TRAPPC9: variants seen among roughly 807,000 people sequenced by gnomAD.
The protein encoded by TRAPPC9 is trafficking protein particle complex subunit 9.
A neutral mutation model predicts 124.0 loss-of-function variants in TRAPPC9; 83 were observed. The observed-to-expected ratio is 0.67, with a 90% CI of 0.56 to 0.80. The LOEUF is 0.80. Ranked by LOEUF, TRAPPC9 falls within the 30% of genes least tolerant of loss-of-function variation. TRAPPC9 has a pLI of 0.00. For missense variants in TRAPPC9, 1,302 were observed against 1,508.3 expected (o/e 0.86, Z 2.27); for synonymous variants, 638 against 617.5 (o/e 1.03, Z -0.49).
intron 21 of TRAPPC9, among the ~76,000 whole-genome samples, chr8:139,821,834 AG>A (rs1170535803): frequency 6.6e-6 from 1 of 152,336 alleles, no homozygotes; most frequent in East Asian, 1.9e-4. Flanking sequence ...GTGCCATAAT[AG>A]CCTGGTAAAT....
chr8:140,297,416 T>C lies in TRAPPC9; in HGVS notation c.1768+3053A>G, dbSNP rs1189192903. 2.6e-5 allele frequency among the ~76,000 whole-genome samples: 4 copies of C among 151,896 alleles called. No homozygotes were observed. In the East Asian group the frequency reaches 5.8e-4, roughly 22 times the overall value. Reference sequence around the variant, plus strand: ...ACACACATACAGATGCATACACATATACACACGCATACACACACATACACA... The same window carrying C: ...ACACACATACAGATGCATACACATACACACACGCATACACACACATACACA... On this transcript the variant is annotated intron_variant, in intron 11 of 22. Coordinates refer to ENST00000438773, the MANE Select transcript of TRAPPC9 (RefSeq NM_001160372.4).
chr8:139,859,148 C>T (rs1305012115), intron 21 of TRAPPC9, among the ~76,000 whole-genome samples: 4 of 151,768 alleles, frequency 2.6e-5, no homozygotes, highest in African/African-American at 7.3e-5. Flanking sequence ...GTTTCTGGCC[C>T]GAGTCAGAGT....
chr8:140,284,884 T>C (rs1199013354), intron 13 of TRAPPC9, among the ~76,000 whole-genome samples: 1 of 152,204 alleles, frequency 6.6e-6, no homozygotes, highest in Non-Finnish European at 1.5e-5. Context: ...CTCTAAAGTA[T>C]ACCTCTTCAA....
At chr8:140,362,714 A>AT (rs1277346454) in intron 8 of TRAPPC9, among the ~76,000 whole-genome samples, 2 of 152,158 alleles carry the variant, frequency 1.3e-5, no homozygotes, top group Non-Finnish European at 2.9e-5. Flanking sequence ...TGAAGAAGAG[A>AT]TTTTTTTAAA....
At chr8:140,175,260 A>G (rs2062040445) in intron 17 of TRAPPC9, among the ~76,000 whole-genome samples, 1 of 151,874 alleles carries the variant, frequency 6.6e-6, no homozygotes, top group Non-Finnish European at 1.5e-5. Flanking sequence ...GCCCCAAATA[A>G]TTGGTTTTTG....
intron 17 of TRAPPC9, among the ~76,000 whole-genome samples, chr8:140,116,694 T>A (rs1331451062): frequency 6.6e-6 from 1 of 152,192 alleles, no homozygotes; most frequent in Non-Finnish European, 1.5e-5. Flanking sequence ...CCCCAGGCGC[T>A]GCCCACGTCT....
chr8:140,403,717 G>C (rs2069363667), intron 6 of TRAPPC9, among the ~76,000 whole-genome samples: 1 of 151,678 alleles, frequency 6.6e-6, no homozygotes. Context: ...CAGTGCAGTG[G>C]TGTGATCTCG....
chr8:140,052,267 C>G (rs1225474318), intron 17 of TRAPPC9, among the ~76,000 whole-genome samples: 2 of 152,120 alleles, frequency 1.3e-5, no homozygotes, highest in Non-Finnish European at 2.9e-5. Context: ...GCAGTCCTTT[C>G]TCTTAATTGG....
intron 19 of TRAPPC9, among the ~76,000 whole-genome samples, chr8:139,914,633 T>C (rs1363388542): frequency 3.3e-5 from 5 of 152,206 alleles, no homozygotes; most frequent in Admixed American, 3.3e-4. Context: ...AGGGTTTGCA[T>C]GTTCTTAGCA....
chr8:139,997,335 A>G (rs939918970), intron 18 of TRAPPC9, among the ~76,000 whole-genome samples: 1 of 150,876 alleles, frequency 6.6e-6, no homozygotes, highest in Admixed American at 6.6e-5. Context: ...TACATCCTAC[A>G]CAGGGCAGAC....
chr8:139,902,774 G>A (rs1441774140), intron 20 of TRAPPC9, among the ~76,000 whole-genome samples: 2 of 152,170 alleles, frequency 1.3e-5, no homozygotes, highest in Non-Finnish European at 2.9e-5. Context: ...CACAGCCCAC[G>A]TCAAGTGCCT....
In TRAPPC9 at chr8:140,324,223, C is replaced by G. The variant is rs191744979; in HGVS notation, c.1496-12849G>C. Among the ~76,000 whole-genome samples, 69 of 152,168 alleles carry G rather than the reference C, an allele frequency of 4.5e-4. No homozygotes were observed. The East Asian group carries it at 0.013, about 29-fold the overall frequency. ...GATGGGGGGGAAAAGATATACCACA[C>G]GAACACAAGTAATAAGCATAATAAA... On this transcript the variant is annotated intron_variant, in intron 9 of 22. Transcript: ENST00000438773.
chr8:140,247,335 A>T (rs1462518724), intron 16 of TRAPPC9, among the ~76,000 whole-genome samples: 4 of 152,250 alleles, frequency 2.6e-5, no homozygotes, highest in Non-Finnish European at 5.9e-5. Flanking sequence ...TTACATGAGT[A>T]GCTAGACATA....
At chr8:140,248,062 T>C (rs777236548) in intron 16 of TRAPPC9, among the ~76,000 whole-genome samples, 3 of 152,222 alleles carry the variant, frequency 2.0e-5, no homozygotes, top group Non-Finnish European at 4.4e-5. Context: ...AGTTTGGCCA[T>C]GATCCTTTTC....
At chr8:140,380,870 A>G (rs1384812518) in intron 7 of TRAPPC9, among the ~76,000 whole-genome samples, 2 of 152,190 alleles carry the variant, frequency 1.3e-5, no homozygotes, top group East Asian at 3.9e-4. Context: ...ATTAGACTTC[A>G]CCAAAATTAA....
chr8:139,873,040 G>T (rs915449639), intron 21 of TRAPPC9, among the ~76,000 whole-genome samples: 1 of 146,578 alleles, frequency 6.8e-6, no homozygotes, highest in Non-Finnish European at 1.5e-5. Flanking sequence ...GGATGGATGG[G>T]TGGGTGGGCT....
At position 140,353,479 on chromosome 8, in the gene TRAPPC9, T is replaced by C. The variant is rs531363126; in HGVS notation, c.1495+6571A>G. On this transcript the variant is annotated intron_variant, in intron 9 of 22. Coordinates refer to ENST00000438773, the MANE Select transcript of TRAPPC9 (RefSeq NM_001160372.4). This position sits in a 1 kb window ranked among gnomAD's most constrained non-coding sequence, Gnocchi z 4.2. ...AACCTTACTCGCTCACCTGGGGCTT[T>C]TGATCCCAGTCCCTGAAACAGTTTA... is the stretch of plus-strand genomic sequence containing the variant. 3.3e-5 allele frequency among the ~76,000 whole-genome samples: 5 copies of C among 152,266 alleles called. No homozygotes were observed. The highest frequency in any genetic ancestry group is 5.9e-5 in the Non-Finnish European group (4 of 68,052).
chr8:139,898,042 T>C (rs1023109911), intron 20 of TRAPPC9, among the ~76,000 whole-genome samples: 5 of 152,244 alleles, frequency 3.3e-5, no homozygotes, highest in Non-Finnish European at 5.9e-5. Flanking sequence ...GTTATTGGCT[T>C]AGGCCAATAA....
chr8:139,963,861 C>G (rs1214635011), intron 19 of TRAPPC9, among the ~76,000 whole-genome samples: 1 of 150,580 alleles, frequency 6.6e-6, no homozygotes, highest in Non-Finnish European at 1.5e-5. Context: ...ATTAAAATGA[C>G]TGATGATAGG....
Sources: allele counts gnomAD v4.1 joint callset (sites outside exome capture counted in the v4.1 genomes callset), GRCh38; gene constraint gnomAD v4.1.1; non-coding constraint Gnocchi (gnomAD v3.1); transcripts MANE v1.5; gene names NCBI Gene and HGNC (gene_info 2026-07-23, HGNC 2026-07-21).